DGKB: variants seen among roughly 807,000 people sequenced by gnomAD.
DGKB encodes diacylglycerol kinase beta, also known as 90 kDa diacylglycerol kinase.
A neutral mutation model predicts 114.3 loss-of-function variants in DGKB; 67 were observed. That is an observed-to-expected ratio of 0.59 (90% confidence interval 0.48 to 0.72). DGKB has a LOEUF of 0.72. Ranked by LOEUF, DGKB falls within the 30% of genes least tolerant of loss-of-function variation. DGKB has a pLI of 0.00. For synonymous variants in DGKB, 398 were observed against 323.1 expected (o/e 1.23, Z -2.49); for missense variants, 907 against 975.2 (o/e 0.93, Z 0.93).
chr7:14,372,622 C>G lies in DGKB; in HGVS notation c.1836-27231G>C, dbSNP rs553326635. The stretch of plus-strand genomic sequence containing the variant: ...TTATCATTATGAGAGATGTGTATAA[C>G]AGAAAGAATTACAGATGATGATTTC... On this transcript the variant is annotated intron_variant, in intron 21 of 25. Transcript: ENST00000402815. 9.3e-4 allele frequency among the ~76,000 whole-genome samples: 142 copies of G among 152,012 alleles called. 1 individual carries two copies. Among genetic ancestry groups the G allele is most frequent in the Admixed American group, 2.9e-3 (44 of 15,260 alleles).
chr7:14,807,055 A>C (rs915568787), intron 2 of DGKB, among the ~76,000 whole-genome samples: 2 of 152,050 alleles, frequency 1.3e-5, no homozygotes, highest in African/African-American at 2.4e-5. Flanking sequence ...GGAGAAAAAA[A>C]AAATAAAAAG....
chr7:14,711,728 G>T (rs958468130), intron 6 of DGKB, among the ~76,000 whole-genome samples: 1 of 152,074 alleles, frequency 6.6e-6, no homozygotes, highest in Non-Finnish European at 1.5e-5. Flanking sequence ...ATCTTCACAG[G>T]ATGATCTCTG....
At chr7:14,179,404 T>G (rs1299649613) in intron 23 of DGKB, among the ~76,000 whole-genome samples, 1 of 152,198 alleles carries the variant, frequency 6.6e-6, no homozygotes, top group Non-Finnish European at 1.5e-5. Context: ...AATTGTACAT[T>G]GTTTAGTAGC....
chr7:14,217,828 A>T (rs920019168), intron 23 of DGKB, among the ~76,000 whole-genome samples: 3 of 151,948 alleles, frequency 2.0e-5, no homozygotes, highest in Non-Finnish European at 4.4e-5. Context: ...AAGACAGGTG[A>T]CTCTCCATCT....
intron 2 of DGKB, among the ~76,000 whole-genome samples, chr7:14,795,394 C>T (rs1218970075): frequency 6.6e-6 from 1 of 152,054 alleles, no homozygotes; most frequent in Non-Finnish European, 1.5e-5. Flanking sequence ...TGCCTTATTG[C>T]AATGTAGAAG....
intron 2 of DGKB, among the ~76,000 whole-genome samples, chr7:14,810,644 C>T (rs1291754688): frequency 6.6e-6 from 1 of 152,042 alleles, no homozygotes; most frequent in Non-Finnish European, 1.5e-5. Flanking sequence ...ATGCAGCCTG[C>T]TGAAGTGCAG....
At chr7:14,733,880 CA>C (rs1226240171) in intron 5 of DGKB, among the ~76,000 whole-genome samples, 1 of 151,904 alleles carries the variant, frequency 6.6e-6, no homozygotes, top group African/African-American at 2.4e-5. Flanking sequence ...GGAAGCAGTA[CA>C]ACATAAGGCT....
Position 14,392,995 on chromosome 7 carries a change from G to GTTTTTGTTTTTTTTTGTTTTTT in DGKB, c.1836-47605_1836-47604insAAAAAACAAAAAAAAACAAAAA. Among the ~76,000 whole-genome samples, 8 of 60,548 alleles carry GTTTTTGTTTTTTTTTGTTTTTT rather than the reference G, an allele frequency of 1.3e-4. 3 individuals are homozygous for GTTTTTGTTTTTTTTTGTTTTTT. Among genetic ancestry groups the GTTTTTGTTTTTTTTTGTTTTTT allele is most frequent in the Admixed American group, 4.6e-4 (2 of 4,386 alleles). The allele number at this position is 60,548 out of a possible 152,430, so 39.7% of individuals were successfully genotyped here. On this transcript the variant is annotated intron_variant, in intron 21 of 25. Transcript: ENST00000402815. ...CAAAACAGACCTGTTTTTTGTTTTT[G>GTTTTTGTTTTTTTTTGTTTTTT]TTTTTTTTTTTTTGAGACGGAGTCT... is the stretch of plus-strand genomic sequence containing the variant.
At chr7:14,266,295 T>G (rs1324441169) in intron 23 of DGKB, among the ~76,000 whole-genome samples, 2 of 152,222 alleles carry the variant, frequency 1.3e-5, no homozygotes, top group African/African-American at 4.8e-5. Context: ...CATATATTTT[T>G]AGCATTTTTA....
intron 1 of DGKB, among the ~76,000 whole-genome samples, chr7:14,856,343 C>T (rs1850149233): frequency 6.6e-6 from 1 of 152,082 alleles, no homozygotes; most frequent in Non-Finnish European, 1.5e-5. Flanking sequence ...AAGTATACAA[C>T]TATGATTGAT....
chr7:14,737,859 A>C (rs1454692416), intron 4 of DGKB, among the ~76,000 whole-genome samples: 1 of 148,678 alleles, frequency 6.7e-6, no homozygotes. Context: ...GTGCCACTAC[A>C]CTCCGGCCTG....
chr7:14,759,793 C>G (rs1835420216), intron 2 of DGKB, among the ~76,000 whole-genome samples: 1 of 152,102 alleles, frequency 6.6e-6, no homozygotes, highest in Non-Finnish European at 1.5e-5. Context: ...ATTGCCAGAT[C>G]ATACAGTAAC....
intron 13 of DGKB, among the ~76,000 whole-genome samples, chr7:14,639,514 C>G (rs1175270957): frequency 1.3e-5 from 2 of 152,170 alleles, no homozygotes; most frequent in Non-Finnish European, 2.9e-5. Context: ...TGCAGCCGTC[C>G]CTAAGAATTA....
intron 2 of DGKB, among the ~76,000 whole-genome samples, chr7:14,801,925 T>C (rs13224917): frequency 0.064 from 9,491 of 147,990 alleles, 362 homozygotes; most frequent in Non-Finnish European, 0.078. Context: ...TATATACATA[T>C]ACACACACAC....
chr7:14,582,777 T>C (rs1488606389), intron 18 of DGKB, among the ~76,000 whole-genome samples: 2 of 152,242 alleles, frequency 1.3e-5, no homozygotes, highest in African/African-American at 4.8e-5. Flanking sequence ...ACACAAACAA[T>C]CTGATTTCCT....
intron 23 of DGKB, among the ~76,000 whole-genome samples, chr7:14,297,631 T>C (rs1680554285): frequency 6.6e-6 from 1 of 152,144 alleles, no homozygotes; most frequent in African/African-American, 2.4e-5. Context: ...AGCATTCTCT[T>C]TGAAAACTGG....
At chr7:14,795,690 G>A (rs150792869) in intron 2 of DGKB, among the ~76,000 whole-genome samples, 1 of 151,986 alleles carries the variant, frequency 6.6e-6, no homozygotes, top group African/African-American at 2.4e-5. Context: ...AGGTAGAGCT[G>A]GTTACCTGGC....
upstream of DGKB, among the ~76,000 whole-genome samples, chr7:14,904,156 G>C (rs1292039492): frequency 6.6e-6 from 1 of 152,048 alleles, no homozygotes; most frequent in African/African-American, 2.4e-5. Flanking sequence ...ATTTGCTCTA[G>C]TAATAGTCTG....
chr7:14,714,269 A>G (rs1456592099), intron 6 of DGKB, among the ~76,000 whole-genome samples: 2 of 152,094 alleles, frequency 1.3e-5, no homozygotes, highest in Admixed American at 6.6e-5. Context: ...GCACATTGTA[A>G]TCAAAGGGAT....
Sources: gnomAD v4.1 joint callset for allele counts (sites outside exome capture counted in the v4.1 genomes callset) on GRCh38, gnomAD v4.1.1 for gene constraint, MANE v1.5 for transcripts, NCBI Gene and HGNC (gene_info 2026-07-23, HGNC 2026-07-21) for gene names.